DLG2: variants seen among roughly 807,000 people sequenced by gnomAD.
DLG2 encodes discs large MAGUK scaffold protein 2.
Under a neutral mutation model 132.5 loss-of-function variants are expected in DLG2, and 45 were observed. The observed-to-expected ratio is 0.34, with a 90% CI of 0.27 to 0.44. The LOEUF (loss-of-function observed/expected upper bound fraction) is 0.44, where lower values mean the gene tolerates loss of function less well. Among genes scored for constraint, DLG2 ranks in the 20% least tolerant of loss-of-function variants. The pLI is 1.00. For missense variants in DLG2, 1,045 were observed against 1,196.9 expected, an observed-to-expected ratio of 0.87 and a Z score of 1.87; for synonymous variants, 424 against 419.6, an observed-to-expected ratio of 1.01 and a Z score of -0.13.
At chr11:83,612,348 C>A (rs12276903) in intron 19 of DLG2, among the ~76,000 whole-genome samples, 2 of 152,056 alleles carry the variant, frequency 1.3e-5, no homozygotes, top group Admixed American at 1.3e-4. Flanking sequence ...TATCTCTCAC[C>A]GAATTGGTGT....
At chr11:85,333,584 T>C (rs2081925197) in intron 3 of DLG2, among the ~76,000 whole-genome samples, 1 of 152,168 alleles carries the variant, frequency 6.6e-6, no homozygotes, top group South Asian at 2.1e-4. Flanking sequence ...ATAGAGGCTC[T>C]TATTCTGAGG....
chr11:85,549,442 A>G (rs2076532965), intron 3 of DLG2, among the ~76,000 whole-genome samples: 1 of 152,208 alleles, frequency 6.6e-6, no homozygotes, highest in Non-Finnish European at 1.5e-5. Flanking sequence ...TTGCCAGCCA[A>G]TTCTCTTCTT....
intron 18 of DLG2, among the ~76,000 whole-genome samples, chr11:83,770,439 T>G (rs1011549307): frequency 3.3e-5 from 5 of 151,948 alleles, no homozygotes; most frequent in African/African-American, 4.8e-5. Context: ...GGATGAAACA[T>G]CAAGGCCTGT....
At chr11:84,632,524 A>C (rs2099633807) in intron 6 of DLG2, among the ~76,000 whole-genome samples, 1 of 152,158 alleles carries the variant, frequency 6.6e-6, no homozygotes, top group South Asian at 2.1e-4. Flanking sequence ...ATTTGATCCC[A>C]TTTTACAAAT....
chr11:83,739,921 A>C (rs1443984745), intron 18 of DLG2, among the ~76,000 whole-genome samples: 1 of 152,200 alleles, frequency 6.6e-6, no homozygotes, highest in Non-Finnish European at 1.5e-5. Context: ...ATGATGCCCA[A>C]GCATCTGGGT....
intron 3 of DLG2, among the ~76,000 whole-genome samples, chr11:85,347,435 C>T (rs1455414711): frequency 6.6e-6 from 1 of 152,110 alleles, no homozygotes; most frequent in African/African-American, 2.4e-5. Flanking sequence ...ACAATGCCTG[C>T]CTGTTGGGCT....
chr11:83,834,197 G>A (rs1006681850), intron 16 of DLG2, among the ~76,000 whole-genome samples: 3 of 152,166 alleles, frequency 2.0e-5, no homozygotes, highest in Non-Finnish European at 4.4e-5. Context: ...TTGTTTGCTT[G>A]ACTGTTAATT....
chr11:84,364,815 A>G (rs1600700265), intron 7 of DLG2, among the ~76,000 whole-genome samples: 1 of 152,254 alleles, frequency 6.6e-6, no homozygotes, highest in Middle Eastern at 3.4e-3. Flanking sequence ...GATTACATTT[A>G]TTGATTTGTG....
At chr11:84,357,830 T>G (rs1409465905) in intron 7 of DLG2, among the ~76,000 whole-genome samples, 2 of 152,038 alleles carry the variant, frequency 1.3e-5, no homozygotes, top group African/African-American at 4.8e-5. Flanking sequence ...TAAATCTTTT[T>G]TTAATGAAGG....
chr11:84,118,065 C>G (rs1017077356), intron 9 of DLG2, among the ~76,000 whole-genome samples: 1 of 152,088 alleles, frequency 6.6e-6, no homozygotes, highest in Non-Finnish European at 1.5e-5. Flanking sequence ...CCATGTTGGC[C>G]AGGCTGGTCT....
chr11:85,367,797 T>G (rs970068762), intron 3 of DLG2, among the ~76,000 whole-genome samples: 1 of 152,176 alleles, frequency 6.6e-6, no homozygotes, highest in Non-Finnish European at 1.5e-5. Context: ...ATTACCTATT[T>G]CGGTTGCATC....
intron 8 of DLG2, among the ~76,000 whole-genome samples, chr11:84,166,371 G>C (rs1018682273): frequency 6.6e-6 from 1 of 151,426 alleles, no homozygotes; most frequent in Non-Finnish European, 1.5e-5. Flanking sequence ...GCAGGGTGGC[G>C]TGCACCTGTA....
intron 7 of DLG2, among the ~76,000 whole-genome samples, chr11:84,328,133 G>C (rs1255157853): frequency 6.6e-6 from 1 of 152,162 alleles, no homozygotes; most frequent in African/African-American, 2.4e-5. Flanking sequence ...GGCATAGCAT[G>C]TGCTATCCCT....
At chr11:84,295,093 G>A (rs1469834247) in intron 7 of DLG2, among the ~76,000 whole-genome samples, 2 of 152,010 alleles carry the variant, frequency 1.3e-5, no homozygotes, top group Non-Finnish European at 1.5e-5. Flanking sequence ...TTTCATCAAC[G>A]AATGCAGGCT....
rs929776002 is a variant in DLG2, at chr11:83,517,642, C to G, written c.2193+15066G>C. Among the ~76,000 whole-genome samples the G allele has an allele frequency of 2.6e-5, 4 of 152,266 alleles. No homozygotes were observed. In the East Asian group the frequency reaches 7.7e-4, roughly 29 times the overall value. On this transcript the variant is annotated intron_variant, in intron 21 of 27. Transcript: ENST00000376104. The stretch of plus-strand genomic sequence containing the variant: ...TTTTTCTGCTCTGTTTTTTCCCCAT[C>G]TTTGTGGTTTTATCTACCTTTGGTC...
At chr11:85,368,763 G>A (rs778248295) in intron 3 of DLG2, among the ~76,000 whole-genome samples, 1 of 152,208 alleles carries the variant, frequency 6.6e-6, no homozygotes, top group Non-Finnish European at 1.5e-5. Flanking sequence ...AAGGTAGACA[G>A]CTTCTAACTG....
rs371409640 is a variant in DLG2, at chr11:83,930,447, T to C, written c.1377A>G (p.Leu459=). The change falls in exon 15 of 28, where the codon CTA becomes CTG. Residue 459 remains leucine, a synonymous_variant. Coordinates refer to ENST00000376104, the MANE Select transcript of DLG2 (RefSeq NM_001142699.3). The part of the protein sequence containing the change: ...PEPVYSTVNK[L]CDKPASPRHY... Reference sequence around the variant, plus strand: ...GCCTGGGAGAAGCAGGCTTATCACATAGTTTGTTCACAGTGCTGTAAACAG... The same window carrying C: ...GCCTGGGAGAAGCAGGCTTATCACACAGTTTGTTCACAGTGCTGTAAACAG... The C allele has an allele frequency of 2.0e-4, 324 of 1,613,864 alleles. 2 individuals are homozygous for C. In the Admixed American group the frequency reaches 3.5e-3, roughly 18 times the overall value.
At chr11:84,984,541 A>G (rs1158060787) in intron 6 of DLG2, among the ~76,000 whole-genome samples, 1 of 151,892 alleles carries the variant, frequency 6.6e-6, no homozygotes, top group Non-Finnish European at 1.5e-5. Context: ...TAAAGCATAA[A>G]TCTCACAGGA....
chr11:84,155,507 C>A (rs1322589937), intron 9 of DLG2, among the ~76,000 whole-genome samples: 1 of 151,462 alleles, frequency 6.6e-6, no homozygotes, highest in Non-Finnish European at 1.5e-5. Flanking sequence ...CCTACCAGTG[C>A]TGGCTGCAAA....
Sources: gnomAD v4.1 joint callset for allele counts (sites outside exome capture counted in the v4.1 genomes callset) on GRCh38, gnomAD v4.1.1 for gene constraint, MANE v1.5 for transcripts, NCBI Gene and HGNC (gene_info 2026-07-23, HGNC 2026-07-21) for gene names.